KATNBL1: variants seen among roughly 807,000 people sequenced by gnomAD.
KATNBL1 encodes the protein KATNB1-like protein 1.
A neutral mutation model predicts 44.7 loss-of-function variants in KATNBL1; 28 were observed. The observed-to-expected ratio is 0.63, with a 90% CI of 0.46 to 0.86. KATNBL1 has a LOEUF of 0.86. KATNBL1 is among the 40% of genes least tolerant of loss of function. The pLI, the probability that KATNBL1 is intolerant of heterozygous loss-of-function variation, is 0.00. For synonymous variants in KATNBL1, 78 were observed against 114.9 expected, an observed-to-expected ratio of 0.68 and a Z score of 2.06; for missense variants, 272 against 350.7, an observed-to-expected ratio of 0.78 and a Z score of 1.79.
At chr15:34,167,770 T>C (rs1441863260) in intron 1 of KATNBL1, among the ~76,000 whole-genome samples, 5 of 151,828 alleles carry the variant, frequency 3.3e-5, no homozygotes, top group African/African-American at 7.3e-5. Flanking sequence ...CAGAAGAGAG[T>C]GGGGGCCAAT....
intron 2 of KATNBL1, among the ~76,000 whole-genome samples, chr15:34,156,301 T>C (rs1888636003): frequency 6.6e-6 from 1 of 152,134 alleles, no homozygotes; most frequent in Non-Finnish European, 1.5e-5. Flanking sequence ...CTTCGGGATA[T>C]AGCAGAGAAA....
intron 1 of KATNBL1, among the ~76,000 whole-genome samples, chr15:34,200,419 A>AT (rs1890149954): frequency 1.3e-5 from 1 of 78,840 alleles, no homozygotes; most frequent in Non-Finnish European, 3.2e-5. Flanking sequence ...CGCCCAGCTA[A>AT]TTGTTTTTTT....
intron 1 of KATNBL1, among the ~76,000 whole-genome samples, chr15:34,206,770 G>C (rs570008521): frequency 2.0e-5 from 3 of 148,998 alleles, no homozygotes; most frequent in African/African-American, 7.4e-5. Context: ...CAGCCTGGGA[G>C]ACAAGAGCAA....
At chr15:34,160,120 G>T (rs753428439) in intron 2 of KATNBL1, among the ~76,000 whole-genome samples, 1 of 152,146 alleles carries the variant, frequency 6.6e-6, no homozygotes, top group East Asian at 1.9e-4. Flanking sequence ...TCTCATTCGG[G>T]ACATTTTCTT....
chr15:34,196,597 A>G (rs1001203905), intron 1 of KATNBL1, among the ~76,000 whole-genome samples: 3 of 151,214 alleles, frequency 2.0e-5, no homozygotes, highest in African/African-American at 7.3e-5. Context: ...GCGTGGCGGC[A>G]GGCACCTGTA....
intron 9 of KATNBL1, among the ~76,000 whole-genome samples, chr15:34,143,177 G>A (rs1439341982): frequency 6.7e-6 from 1 of 148,778 alleles, no homozygotes; most frequent in Non-Finnish European, 1.5e-5. Context: ...TTTTCCCTTT[G>A]TAAAAAACTG....
chr15:34,200,051 T>A (rs1344604245), intron 1 of KATNBL1, among the ~76,000 whole-genome samples: 1 of 152,146 alleles, frequency 6.6e-6, no homozygotes, highest in Non-Finnish European at 1.5e-5. Flanking sequence ...TCCTGATTGG[T>A]GCATTTACAA....
At chr15:34,154,885 A>G (rs4643283) in intron 2 of KATNBL1, 562,473 of 568,668 alleles carry the variant, frequency 0.99, 278,411 homozygotes, top group East Asian at 1. Flanking sequence ...AGTCCCTACT[A>G]CTGTGTCATT....
chr15:34,183,083 T>C (rs1889613787), intron 1 of KATNBL1, among the ~76,000 whole-genome samples: 1 of 152,228 alleles, frequency 6.6e-6, no homozygotes, highest in East Asian at 1.9e-4. Context: ...ATCCATTCTT[T>C]TGTCTCCAGG....
chr15:34,142,200 T>C lies in KATNBL1; in HGVS notation c.*139A>G, dbSNP rs989681145. ...TGCTGGGATTTCATTAGTGGTTTCATTACGTGGCTTTTTAAAAGAAAAAAT... is the reference window on the plus strand; with the variant it reads ...TGCTGGGATTTCATTAGTGGTTTCACTACGTGGCTTTTTAAAAGAAAAAAT... On this transcript the variant is annotated 3_prime_UTR_variant, in exon 10 of 10. Coordinates refer to ENST00000256544, the MANE Select transcript of KATNBL1 (RefSeq NM_024713.3). 4.7e-5 allele frequency: 37 copies of C among 787,120 alleles called. No individual in the cohort carries two copies. Among genetic ancestry groups the C allele is most frequent in the Non-Finnish European group, 6.7e-5 (37 of 548,938 alleles). 48.8% of individuals were successfully genotyped at this position (787,120 alleles called of 1,614,324 possible). A position where few individuals can be genotyped will look rare whatever the true frequency, so the allele number is the denominator to read the frequency against.
intron 1 of KATNBL1, among the ~76,000 whole-genome samples, chr15:34,205,353 A>AAT (rs1408357215): frequency 1.3e-5 from 2 of 152,196 alleles, no homozygotes; most frequent in African/African-American, 4.8e-5. Context: ...AATTTTAATC[A>AAT]ATATATATAA....
Position 34,189,070 on chromosome 15 carries a change from C to T in KATNBL1, c.-15+20881G>A, listed in dbSNP as rs148990747. ...TTTTTGAGACAGAGTCTCGCTCTGT[C>T]GCCAGGCTGGAGTGCAGTGGTGTGA... On this transcript the variant is annotated intron_variant, in intron 1 of 9. Transcript: ENST00000256544. 3.4e-3 allele frequency among the ~76,000 whole-genome samples: 525 copies of T among 152,256 alleles called. 2 individuals are homozygous for T. The highest frequency in any genetic ancestry group is 0.012 in the African/African-American group (488 of 41,540).
chr15:34,209,902 G>C (rs1202001517), intron 1 of KATNBL1, 49 bp downstream of exon 1: 1 of 151,676 alleles, frequency 6.6e-6, no homozygotes, highest in African/African-American at 2.4e-5. Context: ...CCCTGCCAGG[G>C]CAGGGCAGCT....
At chr15:34,151,245 T>C (rs1338972883) in intron 4 of KATNBL1, among the ~76,000 whole-genome samples, 1 of 152,140 alleles carries the variant, frequency 6.6e-6, no homozygotes, top group Admixed American at 6.5e-5. Context: ...CTTGCCAGAA[T>C]CTATTATTTT....
At chr15:34,172,948 T>C (rs4780226) in intron 1 of KATNBL1, among the ~76,000 whole-genome samples, 84,622 of 151,984 alleles carry the variant, frequency 0.56, 24,506 homozygotes, top group East Asian at 0.71. Context: ...TTGATAAACC[T>C]ACTTCTAAAA....
At chr15:34,177,182 C>T (rs1889359310) in intron 1 of KATNBL1, among the ~76,000 whole-genome samples, 1 of 152,082 alleles carries the variant, frequency 6.6e-6, no homozygotes. Flanking sequence ...AAAGACAATA[C>T]AGTGTTTGCT....
At chr15:34,184,209 G>C (rs1160800449) in intron 1 of KATNBL1, among the ~76,000 whole-genome samples, 1 of 151,888 alleles carries the variant, frequency 6.6e-6, no homozygotes, top group Non-Finnish European at 1.5e-5. Flanking sequence ...GGGAGGCTGA[G>C]GCAGGAGAAT....
intron 1 of KATNBL1, among the ~76,000 whole-genome samples, chr15:34,203,926 T>C (rs1009110711): frequency 1.4e-4 from 21 of 151,424 alleles, no homozygotes; most frequent in Middle Eastern, 3.4e-3. Context: ...AAACACCTAA[T>C]GTAGATGACG....
chr15:34,181,862 TATATATCC>T lies in KATNBL1; in HGVS notation c.-14-18180_-14-18173del, dbSNP rs1298383358. Among the ~76,000 whole-genome samples, 6 of 118,380 alleles carry T rather than the reference TATATATCC, an allele frequency of 5.1e-5. 2 individuals are homozygous for T. Among genetic ancestry groups the T allele is most frequent in the African/African-American group, 1.1e-4 (3 of 28,012 alleles). 77.7% of individuals were successfully genotyped at this position (118,380 alleles called of 152,430 possible). A position where few individuals can be genotyped will look rare whatever the true frequency, so the allele number is the denominator to read the frequency against. On this transcript the variant is annotated intron_variant, in intron 1 of 9. Coordinates refer to ENST00000256544, the MANE Select transcript of KATNBL1 (RefSeq NM_024713.3). ...TATACACATATATATAGTCCATATATATATATCCATATATATATATATATATGGATGGG... is the reference window on the plus strand; with the variant it reads ...TATACACATATATATAGTCCATATATATATATATATATATATATGGATGGG...
Sources: allele counts gnomAD v4.1 joint callset (sites outside exome capture counted in the v4.1 genomes callset), GRCh38; gene constraint gnomAD v4.1.1; transcripts MANE v1.5; gene names NCBI Gene and HGNC (gene_info 2026-07-23, HGNC 2026-07-21).